Variants in FBXO10 observed in about 807,000 individuals in gnomAD.
FBXO10 encodes the protein F-box only protein 10.
Under a neutral mutation model 80.7 loss-of-function variants are expected in FBXO10, and 39 were observed. The observed-to-expected ratio is 0.48, with a 90% CI of 0.37 to 0.63. The LOEUF (loss-of-function observed/expected upper bound fraction) is 0.63. FBXO10 is among the 30% of genes least tolerant of loss of function. The pLI is 0.00. For missense variants in FBXO10, 1,025 were observed against 1,269.0 expected (o/e 0.81, Z 2.92); for synonymous variants, 449 against 489.6 (o/e 0.92, Z 1.09).
chr9:37,570,095 A>AG (rs1170293641), intron 1 of FBXO10, among the ~76,000 whole-genome samples: 1 of 152,200 alleles, frequency 6.6e-6, no homozygotes, highest in African/African-American at 2.4e-5. Context: ...GGAACACCTG[A>AG]GGTAAGGAGT....
intron 1 of FBXO10, among the ~76,000 whole-genome samples, chr9:37,550,167 A>T (rs1588849583): frequency 2.9e-5 from 2 of 68,484 alleles, no homozygotes; most frequent in African/African-American, 1.2e-4. Flanking sequence ...TTGTCGTCTC[A>T]GGTTTTTTTT....
chr9:37,534,332 C>A (rs1821701922), intron 3 of FBXO10, among the ~76,000 whole-genome samples: 1 of 152,140 alleles, frequency 6.6e-6, no homozygotes. Context: ...TGGAACCCAT[C>A]AGAGCTGAGG....
At chr9:37,548,711 C>G (rs1236251852) in intron 1 of FBXO10, among the ~76,000 whole-genome samples, 1 of 152,150 alleles carries the variant, frequency 6.6e-6, no homozygotes, top group African/African-American at 2.4e-5. Flanking sequence ...TCCTCCCTGT[C>G]CCTGCATTAC....
chr9:37,554,949 A>C lies in FBXO10; in HGVS notation c.-6-13175T>G, dbSNP rs372644570. Among the ~76,000 whole-genome samples, 12 of 152,310 alleles carry C rather than the reference A, an allele frequency of 7.9e-5. No homozygotes were observed. In the South Asian group the frequency reaches 2.5e-3, roughly 32 times the overall value. ...ACACGTTTTAATTTTTCTTGAGTCA[A>C]TACTTAGGAGTGGAATTCCTAGGTT... On this transcript the variant is annotated intron_variant, in intron 1 of 10. Coordinates refer to ENST00000432825, the MANE Select transcript of FBXO10 (RefSeq NM_012166.3).
At chr9:37,514,084 A>G (rs1359283060) in intron 10 of FBXO10, among the ~76,000 whole-genome samples, 1 of 152,246 alleles carries the variant, frequency 6.6e-6, no homozygotes, top group Non-Finnish European at 1.5e-5. Context: ...CCATTTGCTT[A>G]AGGCAACACA....
chr9:37,549,678 T>C (rs1398736816), intron 1 of FBXO10, among the ~76,000 whole-genome samples: 2 of 152,234 alleles, frequency 1.3e-5, no homozygotes, highest in Admixed American at 6.5e-5. Context: ...CCCTGACTCA[T>C]CTGACCAGAG....
intron 3 of FBXO10, chr9:37,536,149 T>C (rs1190877319): frequency 6.6e-6 from 1 of 152,240 alleles, no homozygotes; most frequent in Non-Finnish European, 1.5e-5. Flanking sequence ...TTAACCATTT[T>C]AGAAGCCTGC....
chr9:37,521,628 G>T lies in FBXO10; in HGVS notation c.2141C>A (p.Pro714Gln), dbSNP rs1188179440. 6 of 1,613,826 alleles carry T rather than the reference G, an allele frequency of 3.7e-6. No homozygotes were observed. The African/African-American group carries it at 8.0e-5, about 22-fold the overall frequency. Reference sequence around the variant, plus strand: ...AGCTATGGTGATGGGCCGGCGCAGTGGGTCGTCCTCCTTCTCCAGCTCTGT... The same window carrying T: ...AGCTATGGTGATGGGCCGGCGCAGTTGGTCGTCCTCCTTCTCCAGCTCTGT... ...WETELEKEDD[P>Q]LRRPITIALV... Residue 714 changes from proline to glutamine, a missense_variant, in exon 8 of 11, where the codon CCA (proline) becomes CAA (glutamine). Coordinates refer to ENST00000432825, the MANE Select transcript of FBXO10 (RefSeq NM_012166.3).
chr9:37,520,522 C>CTTTTTTTTTTT (rs1191753429), intron 8 of FBXO10, among the ~76,000 whole-genome samples: 8 of 83,382 alleles, frequency 9.6e-5, no homozygotes, highest in East Asian at 4.2e-4. Context: ...CCTTCTTCTT[C>CTTTTTTTTTTT]TTTTTTTTTT....
chr9:37,538,965 A>C lies in FBXO10; in HGVS notation c.586-1022T>G, dbSNP rs146750238. ...AGTGCCAAACTCTCCTGCCTAATTCATTTGGGCCCCTTGGCTCTGTGGGCC... is the reference window on the plus strand; with the variant it reads ...AGTGCCAAACTCTCCTGCCTAATTCCTTTGGGCCCCTTGGCTCTGTGGGCC... On this transcript the variant is annotated intron_variant, in intron 2 of 10. Coordinates refer to ENST00000432825, the MANE Select transcript of FBXO10 (RefSeq NM_012166.3). Among the ~76,000 whole-genome samples the C allele has an allele frequency of 6.7e-3, 1,017 of 152,216 alleles. 6 individuals carry two copies. The highest frequency in any genetic ancestry group is 0.023 in the African/African-American group (965 of 41,536).
At chr9:37,519,433 C>A (rs1204959117) in intron 8 of FBXO10, among the ~76,000 whole-genome samples, 1 of 149,688 alleles carries the variant, frequency 6.7e-6, no homozygotes, top group South Asian at 2.1e-4. Context: ...GACCCGGGGG[C>A]GAGGAGAGGA....
At chr9:37,513,157 G>A (rs1821105391) in intron 10 of FBXO10, among the ~76,000 whole-genome samples, 1 of 152,032 alleles carries the variant, frequency 6.6e-6, no homozygotes, top group South Asian at 2.1e-4. Context: ...ATAAGGATCT[G>A]GATAAGATCA....
At position 37,516,232 on chromosome 9, in the gene FBXO10, C is replaced by A. The variant is rs1417263492; in HGVS notation, c.2515-147G>T. 44 of 830,020 alleles carry A rather than the reference C, an allele frequency of 5.3e-5. 1 individual carries two copies. Among genetic ancestry groups the A allele is most frequent in the Non-Finnish European group, 7.4e-5 (41 of 556,630 alleles). 51.4% of individuals were successfully genotyped at this position (830,020 alleles called of 1,614,324 possible). A position where few individuals can be genotyped will look rare whatever the true frequency, so the allele number is the denominator to read the frequency against. The stretch of plus-strand genomic sequence containing the variant: ...GAGCCTATGAGCTCAAAGAAGGGCA[C>A]CAAGAACAGCCTGGGGGAGCCAGGG... On this transcript the variant is annotated intron_variant, in intron 9 of 10. Coordinates refer to ENST00000432825, the MANE Select transcript of FBXO10 (RefSeq NM_012166.3).
rs1821170409 is a variant in FBXO10, at chr9:37,515,991, C to T, written c.2609G>A (p.Gly870Asp). 1 of 1,614,056 alleles carries T rather than the reference C, an allele frequency of 6.2e-7. No individual in the cohort carries two copies. Among genetic ancestry groups the T allele is most frequent in the Non-Finnish European group, 8.5e-7 (1 of 1,179,896 alleles). Residue 870 changes from glycine (G) to aspartate (D), a missense_variant, in exon 10 of 11, where the codon GGC becomes GAC. Gly to Asp is a moderately conservative substitution (Grantham distance 94). Coordinates refer to ENST00000432825, the MANE Select transcript of FBXO10 (RefSeq NM_012166.3). ...ALVQENIIFQGKTSKTIFQQI... is the reference protein window; with the variant it reads ...ALVQENIIFQDKTSKTIFQQI... The stretch of plus-strand genomic sequence containing the variant: ...CTGAAAGATGGTCTTACTGGTTTTG[C>T]CCTGGAAGATGATGTTTTCCTGCAC...
rs148151194 is a variant in FBXO10, at chr9:37,513,303, T to G, written c.2697-582A>C. On this transcript the variant is annotated intron_variant, in intron 10 of 10. Transcript: ENST00000432825. ...TGTGTGCCACGGTGCCAGCTTTTCCTCTTTCATTTCTTTTCAGCTCTATGA... is the reference window on the plus strand; with the variant it reads ...TGTGTGCCACGGTGCCAGCTTTTCCGCTTTCATTTCTTTTCAGCTCTATGA... Among the ~76,000 whole-genome samples the G allele has an allele frequency of 9.9e-5, 15 of 152,266 alleles. No homozygotes were observed. The East Asian group carries it at 2.9e-3, about 29-fold the overall frequency.
intron 1 of FBXO10, among the ~76,000 whole-genome samples, chr9:37,566,088 C>T (rs1376999677): frequency 2.0e-5 from 3 of 152,144 alleles, no homozygotes; most frequent in African/African-American, 7.2e-5. Context: ...AGTCCCAGCA[C>T]AAAAGGCCCT....
intron 9 of FBXO10, 95 bp from the exon 10 acceptor site, chr9:37,516,180 C>G: frequency 7.4e-7 from 1 of 1,350,826 alleles, no homozygotes; most frequent in East Asian, 2.5e-5. Context: ...AACCAAGAGG[C>G]AGGAACATGC....
Position 37,537,898 on chromosome 9 carries a change from C to G in FBXO10, c.631G>C (p.Gly211Arg), listed in dbSNP as rs776546467. The stretch of plus-strand genomic sequence containing the variant: ...CCCGGGCCATGGACCTGGATGTGCC[C>G]GTTCTCAAAGTTGCAGTTGTCAAAC... ...VQFDNCNFENGHIQVHGPGTC... is the reference protein window; with the variant it reads ...VQFDNCNFENRHIQVHGPGTC... Residue 211 changes from glycine to arginine, a missense_variant, in exon 3 of 11, where the codon GGG becomes CGG. By Grantham distance (125) the Gly-to-Arg change is moderately radical. This residue lies in a region of FBXO10 where 450 missense variants were observed against 499.4 expected (regional missense o/e 0.90). Transcript: ENST00000432825. The G allele has an allele frequency of 4.3e-6, 7 of 1,613,688 alleles. No homozygotes were observed. In the Admixed American group the frequency reaches 1.2e-4, roughly 27 times the overall value.
chr9:37,563,177 G>A lies in FBXO10; in HGVS notation c.-7+13034C>T, dbSNP rs549518847. ...CACTCATTCTCTCTCCTGCCACCCC[G>A]TGAAGAGGTGCCTTCTGCCATGATT... is the stretch of plus-strand genomic sequence containing the variant. On this transcript the variant is annotated intron_variant, in intron 1 of 10. Transcript: ENST00000432825. Among the ~76,000 whole-genome samples the A allele has an allele frequency of 1.2e-4, 18 of 152,270 alleles. 1 individual carries two copies. Among genetic ancestry groups the A allele is most frequent in the African/African-American group, 3.1e-4 (13 of 41,552 alleles).
Sources: gnomAD v4.1 joint callset for allele counts (sites outside exome capture counted in the v4.1 genomes callset) on GRCh38, gnomAD v4.1.1 for gene constraint, gnomAD v4.1.1 regional missense constraint, MANE v1.5 for transcripts, NCBI Gene and HGNC (gene_info 2026-07-23, HGNC 2026-07-21) for gene names.